Variants in TMCO6 observed in about 807,000 individuals in gnomAD.
The protein encoded by TMCO6 is transmembrane and coiled-coil domains 6.
TMCO6 carries 47 observed loss-of-function variants against 61.8 expected under a neutral mutation model. The observed-to-expected ratio is 0.76, with a 90% confidence interval of 0.60 to 0.97. TMCO6 has a LOEUF of 0.97. TMCO6 is among the 50% of genes least tolerant of loss of function. TMCO6 has a pLI of 0.00. For synonymous variants in TMCO6, 261 were observed against 254.2 expected (o/e 1.03, Z -0.25); for missense variants, 557 against 601.6 (o/e 0.93, Z 0.78).
chr5:140,626,030 C>G, the TMCO6 span, among the ~76,000 whole-genome samples: 1 of 152,168 alleles, frequency 6.6e-6, no homozygotes, highest in Admixed American at 6.5e-5. Context: ...TTCTTTAGCA[C>G]GGTCTCTTCT....
chr5:140,632,526 G>C, the TMCO6 span: 1 of 1,614,162 alleles, frequency 6.2e-7, no homozygotes, highest in African/African-American at 1.3e-5. This position sits in a 1 kb window ranked among gnomAD's most constrained non-coding sequence, Gnocchi z 6.2. Context: ...TGTCGCCCAC[G>C]ACACGTTGCG....
chr5:140,610,613 T>G, the TMCO6 span, among the ~76,000 whole-genome samples: 1 of 152,226 alleles, frequency 6.6e-6, no homozygotes, highest in Non-Finnish European at 1.5e-5. Context: ...GCTGATTAGT[T>G]TTCATGTATT....
In TMCO6 at chr5:140,644,475, A is replaced by G. The variant is rs1581470069; in HGVS notation, c.1201-98A>G. The G allele has an allele frequency of 8.4e-6, 12 of 1,423,502 alleles. No individual in the cohort carries two copies. The East Asian group carries it at 2.7e-4, about 33-fold the overall frequency. The allele number at this position is 1,423,502 out of a possible 1,614,324, so 88.2% of individuals were successfully genotyped here. On this transcript the variant is annotated intron_variant, in intron 10 of 11. Coordinates refer to ENST00000394671, the MANE Select transcript of TMCO6 (RefSeq NM_018502.5). The stretch of plus-strand genomic sequence containing the variant: ...GAACATGTATGTAGAAGAGCTTGGC[A>G]TGGTGCCTGGGCATGTGGTCACCAT...
chr5:140,608,090 T>C, the TMCO6 span, among the ~76,000 whole-genome samples: 1 of 152,154 alleles, frequency 6.6e-6, no homozygotes, highest in Non-Finnish European at 1.5e-5. Flanking sequence ...GCGCCCAGCC[T>C]CTCATTGTGT....
At chr5:140,597,370 T>C in the TMCO6 span, among the ~76,000 whole-genome samples, 2 of 151,578 alleles carry the variant, frequency 1.3e-5, no homozygotes, top group Admixed American at 6.6e-5. Context: ...CATTATCATA[T>C]ACTATGACCA....
At chr5:140,632,159 G>A in the TMCO6 span, 6 of 1,614,134 alleles carry the variant, frequency 3.7e-6, no homozygotes, top group Non-Finnish European at 5.1e-6. This position sits in a 1 kb window ranked among gnomAD's most constrained non-coding sequence, Gnocchi z 6.2. Context: ...TCAGGGCGCT[G>A]GACCACATGC....
At chr5:140,646,145 G>A (rs1757385623), downstream of TMCO6, among the ~76,000 whole-genome samples, 1 of 151,846 alleles carries the variant, frequency 6.6e-6, no homozygotes, top group Non-Finnish European at 1.5e-5. Flanking sequence ...TGAGTAGCTG[G>A]GATTACAGGT....
intron 7 of TMCO6, 64 bp from the exon 8 acceptor site, chr5:140,643,500 T>A (rs1006928721): frequency 4.0e-6 from 6 of 1,496,380 alleles, no homozygotes; most frequent in Non-Finnish European, 5.6e-6. Flanking sequence ...CCTAGGCAAC[T>A]GCTTCTCTTC....
the TMCO6 span, among the ~76,000 whole-genome samples, chr5:140,597,211 G>A: frequency 6.6e-6 from 1 of 152,204 alleles, no homozygotes. Flanking sequence ...ATTTGGAGAA[G>A]TCAGTGTGGG....
At chr5:140,619,970 G>T in the TMCO6 span, among the ~76,000 whole-genome samples, 1 of 152,304 alleles carries the variant, frequency 6.6e-6, no homozygotes, top group South Asian at 2.1e-4. Flanking sequence ...AGCCACTTTG[G>T]AAGACAGTTT....
At chr5:140,628,517 C>A in the TMCO6 span, among the ~76,000 whole-genome samples, 1 of 151,986 alleles carries the variant, frequency 6.6e-6, no homozygotes, top group Admixed American at 6.6e-5. Flanking sequence ...CAGCTCACTG[C>A]AACCTCTACC....
chr5:140,616,420 G>A, the TMCO6 span, among the ~76,000 whole-genome samples: 1 of 151,888 alleles, frequency 6.6e-6, no homozygotes, highest in Non-Finnish European at 1.5e-5. Context: ...AAATTAGCTG[G>A]GCATGGTGAC....
At chr5:140,614,138 A>G in the TMCO6 span, among the ~76,000 whole-genome samples, 1 of 152,030 alleles carries the variant, frequency 6.6e-6, no homozygotes, top group East Asian at 1.9e-4. Flanking sequence ...TGACCTTGTG[A>G]TCCGCCTGCC....
chr5:140,621,799 G>A, the TMCO6 span, among the ~76,000 whole-genome samples: 2 of 152,118 alleles, frequency 1.3e-5, no homozygotes, highest in African/African-American at 4.8e-5. Context: ...GGACCCCCTG[G>A]GCGTGGCCAT....
At chr5:140,613,936 T>G in the TMCO6 span, among the ~76,000 whole-genome samples, 1 of 151,794 alleles carries the variant, frequency 6.6e-6, no homozygotes, top group South Asian at 2.1e-4. Flanking sequence ...TCTCACTCTG[T>G]CGCCCAGGCT....
chr5:140,607,640 G>A, the TMCO6 span, among the ~76,000 whole-genome samples: 1 of 151,916 alleles, frequency 6.6e-6, no homozygotes, highest in Middle Eastern at 3.4e-3. Flanking sequence ...TTCCACAGTG[G>A]CTGTACCATA....
chr5:140,600,704 C>T, the TMCO6 span, among the ~76,000 whole-genome samples: 1 of 152,028 alleles, frequency 6.6e-6, no homozygotes, highest in Non-Finnish European at 1.5e-5. Context: ...ACCTCATGAT[C>T]CACCTGCCTC....
the TMCO6 span, among the ~76,000 whole-genome samples, chr5:140,606,202 A>C: frequency 2.3e-5 from 3 of 133,330 alleles, no homozygotes; most frequent in Admixed American, 8.5e-5. Flanking sequence ...TCATTCTGTC[A>C]CCCAGGCTGG....
the TMCO6 span, chr5:140,632,652 C>T: frequency 1.9e-6 from 3 of 1,613,696 alleles, no homozygotes; most frequent in Non-Finnish European, 1.7e-6. This position sits in a 1 kb window ranked among gnomAD's most constrained non-coding sequence, Gnocchi z 6.2. Flanking sequence ...CGCTAGCACA[C>T]GCAGGGCGCC....
Sources: gnomAD v4.1 joint callset for allele counts (sites outside exome capture counted in the v4.1 genomes callset) on GRCh38, gnomAD v4.1.1 for gene constraint, Gnocchi (gnomAD v3.1) non-coding constraint, MANE v1.5 for transcripts, NCBI Gene and HGNC (gene_info 2026-07-23, HGNC 2026-07-21) for gene names.